HS3ST4: variants seen among roughly 807,000 people sequenced by gnomAD.
The protein encoded by HS3ST4 is heparan sulfate-glucosamine 3-sulfotransferase 4, also known as heparan sulfate glucosamine 3-O-sulfotransferase 4.
Under a neutral mutation model 29.2 loss-of-function variants are expected in HS3ST4, and 17 were observed. That is an observed-to-expected ratio of 0.58 (90% confidence interval 0.40 to 0.87). The LOEUF (loss-of-function observed/expected upper bound fraction) is 0.87. Ranked by LOEUF, HS3ST4 falls within the 40% of genes least tolerant of loss-of-function variation. HS3ST4 has a pLI of 0.00. For synonymous variants in HS3ST4, 314 were observed against 285.7 expected, an observed-to-expected ratio of 1.10 and a Z score of -1.00; for missense variants, 627 against 634.5, an observed-to-expected ratio of 0.99 and a Z score of 0.13.
At chr16:25,999,374 A>C (rs1175485556) in intron 1 of HS3ST4, among the ~76,000 whole-genome samples, 1 of 152,164 alleles carries the variant, frequency 6.6e-6, no homozygotes, top group African/African-American at 2.4e-5. Context: ...TTGCTTCTGC[A>C]TCTGAGATTA....
intron 1 of HS3ST4, among the ~76,000 whole-genome samples, chr16:25,775,605 C>G (rs1434980859): frequency 6.6e-6 from 1 of 152,208 alleles, no homozygotes; most frequent in East Asian, 1.9e-4. Context: ...CCCCTGAATT[C>G]TTGACTGGTC....
intron 1 of HS3ST4, among the ~76,000 whole-genome samples, chr16:25,955,062 C>T (rs931352148): frequency 6.6e-6 from 1 of 152,162 alleles, no homozygotes; most frequent in Admixed American, 6.5e-5. Context: ...TGGGTGGTCC[C>T]ATGCAGGGTG....
intron 1 of HS3ST4, among the ~76,000 whole-genome samples, chr16:25,763,778 CAG>C (rs1416045201): frequency 6.6e-6 from 1 of 152,172 alleles, no homozygotes; most frequent in East Asian, 1.9e-4. Flanking sequence ...CACATATAAA[CAG>C]ATTGTATTCT....
At chr16:25,867,225 C>T (rs957953605) in intron 1 of HS3ST4, among the ~76,000 whole-genome samples, 1 of 152,156 alleles carries the variant, frequency 6.6e-6, no homozygotes, top group African/African-American at 2.4e-5. Context: ...AGAGCAATAG[C>T]ACTCTCTTTA....
At chr16:25,708,395 A>C (rs544571317) in intron 1 of HS3ST4, among the ~76,000 whole-genome samples, 1 of 152,344 alleles carries the variant, frequency 6.6e-6, no homozygotes, top group Middle Eastern at 3.4e-3. Context: ...ACTGGAATAC[A>C]GTTGTGTATT....
At chr16:25,713,087 G>C (rs189334403) in intron 1 of HS3ST4, among the ~76,000 whole-genome samples, 26 of 151,670 alleles carry the variant, frequency 1.7e-4, no homozygotes, top group African/African-American at 5.6e-4. Context: ...TAAGTTCTGG[G>C]ATACACATGC....
At position 26,023,383 on chromosome 16, in the gene HS3ST4, T is replaced by G. The variant is rs141842499; in HGVS notation, c.735-112229T>G. On this transcript the variant is annotated intron_variant, in intron 1 of 1. Coordinates refer to ENST00000331351, the MANE Select transcript of HS3ST4 (RefSeq NM_006040.3). ...ATTCAAATAGATAGAAGAATAGAAT[T>G]AAAACAATTTTTTACTGTCTTAAAT... is the stretch of plus-strand genomic sequence containing the variant. 5.6e-3 allele frequency among the ~76,000 whole-genome samples: 847 copies of G among 151,490 alleles called. 8 individuals carry two copies. The highest frequency in any genetic ancestry group is 0.019 in the African/African-American group (791 of 41,042).
At chr16:26,094,147 C>T (rs994550600) in intron 1 of HS3ST4, among the ~76,000 whole-genome samples, 1 of 152,086 alleles carries the variant, frequency 6.6e-6, no homozygotes, top group Non-Finnish European at 1.5e-5. Context: ...ATTGGTGTAC[C>T]TGAAAGTGAT....
At chr16:25,876,104 C>A (rs570388503) in intron 1 of HS3ST4, among the ~76,000 whole-genome samples, 13 of 152,158 alleles carry the variant, frequency 8.5e-5, no homozygotes, top group Non-Finnish European at 1.8e-4. Context: ...GTGAGACCTC[C>A]ACCAGTCTCT....
chr16:25,831,784 A>T (rs1209385001), intron 1 of HS3ST4, among the ~76,000 whole-genome samples: 1 of 152,088 alleles, frequency 6.6e-6, no homozygotes, highest in Non-Finnish European at 1.5e-5. Flanking sequence ...ACATGAGTGA[A>T]GATTTGGTTA....
At chr16:25,814,631 A>G (rs1167516698) in intron 1 of HS3ST4, among the ~76,000 whole-genome samples, 3 of 152,216 alleles carry the variant, frequency 2.0e-5, no homozygotes, top group African/African-American at 7.2e-5. Context: ...GGGGTGAGCC[A>G]CAGCGCCCGG....
chr16:26,021,750 G>A (rs1386221491), intron 1 of HS3ST4, among the ~76,000 whole-genome samples: 4 of 151,320 alleles, frequency 2.6e-5, no homozygotes, highest in African/African-American at 7.3e-5. Context: ...TGCAACCTCC[G>A]CCTCCTGAGT....
intron 1 of HS3ST4, among the ~76,000 whole-genome samples, chr16:26,091,623 A>G (rs7206220): frequency 0.54 from 82,071 of 151,966 alleles, 22,907 homozygotes; most frequent in African/African-American, 0.67. Flanking sequence ...AAGTGCAACC[A>G]AGCCATATAT....
intron 1 of HS3ST4, among the ~76,000 whole-genome samples, chr16:25,698,171 T>C (rs113549425): frequency 0.021 from 3,180 of 152,234 alleles, 93 homozygotes; most frequent in African/African-American, 0.066. Context: ...CCTCAAGGAA[T>C]CCGCCGTTCT....
At chr16:26,058,291 C>G (rs549628742) in intron 1 of HS3ST4, among the ~76,000 whole-genome samples, 29 of 152,282 alleles carry the variant, frequency 1.9e-4, no homozygotes, top group African/African-American at 7.0e-4. Context: ...AGAACAACCC[C>G]TGGGGATTTT....
At chr16:25,744,100 T>A (rs142767867) in intron 1 of HS3ST4, among the ~76,000 whole-genome samples, 1 of 152,332 alleles carries the variant, frequency 6.6e-6, no homozygotes, top group African/African-American at 2.4e-5. Flanking sequence ...TTCCAGCTGT[T>A]GTCTAAAAAG....
Position 25,873,653 on chromosome 16 carries a change from C to T in HS3ST4, c.734+180502C>T, listed in dbSNP as rs569404922. ...CCATCCATTCATCCATCCATCCATC[C>T]GTCCGTCCATCCATCCATCCATCCA... On this transcript the variant is annotated intron_variant, in intron 1 of 1. Transcript: ENST00000331351. Among the ~76,000 whole-genome samples, 42 of 58,752 alleles carry T rather than the reference C, an allele frequency of 7.1e-4. 1 individual carries two copies. Among genetic ancestry groups the T allele is most frequent in the Admixed American group, 7.0e-3 (35 of 4,974 alleles). 38.5% of individuals were successfully genotyped at this position (58,752 alleles called of 152,430 possible).
At chr16:26,012,413 G>A (rs1011648957) in intron 1 of HS3ST4, among the ~76,000 whole-genome samples, 8 of 152,198 alleles carry the variant, frequency 5.3e-5, no homozygotes, top group African/African-American at 1.4e-4. Flanking sequence ...GAGAAGACCC[G>A]ATCAGTAGAG....
At chr16:25,856,089 C>T (rs1967571785) in intron 1 of HS3ST4, among the ~76,000 whole-genome samples, 2 of 152,068 alleles carry the variant, frequency 1.3e-5, no homozygotes, top group Admixed American at 6.6e-5. Context: ...AAGGGACCTT[C>T]CTCTGCTTTT....
Sources: gnomAD v4.1 joint callset for allele counts (sites outside exome capture counted in the v4.1 genomes callset) on GRCh38, gnomAD v4.1.1 for gene constraint, MANE v1.5 for transcripts, NCBI Gene and HGNC (gene_info 2026-07-23, HGNC 2026-07-21) for gene names.